TEX9: variants seen among roughly 807,000 people sequenced by gnomAD.
TEX9 encodes testis-expressed protein 9.
Under a neutral mutation model 59.6 loss-of-function variants are expected in TEX9, and 74 were observed. The observed-to-expected ratio is 1.24, with a 90% CI of 1.03 to 1.51. The LOEUF (loss-of-function observed/expected upper bound fraction) is 1.51, where lower values mean the gene tolerates loss of function less well. TEX9 is among the 40% of genes most tolerant of loss of function. The probability of loss-of-function intolerance (pLI) is 0.00; values close to 1 mark genes in which losing one functional copy is unlikely to be tolerated. For missense variants in TEX9, 522 were observed against 447.8 expected (o/e 1.17, Z -1.49); for synonymous variants, 186 against 152.2 (o/e 1.22, Z -1.64).
chr15:56,369,493 C>G (rs893192306), intron 2 of TEX9, among the ~76,000 whole-genome samples: 2 of 151,932 alleles, frequency 1.3e-5, no homozygotes, highest in Non-Finnish European at 2.9e-5. Context: ...ACATGCCTGG[C>G]TAATTTTTGT....
upstream of TEX9, among the ~76,000 whole-genome samples, chr15:56,365,064 G>A (rs2141939924): frequency 6.6e-6 from 1 of 152,300 alleles, no homozygotes; most frequent in South Asian, 2.1e-4. Context: ...TTCCACTGAA[G>A]AGCTCACTTT....
intron 1 of TEX9, among the ~76,000 whole-genome samples, chr15:56,287,238 C>A (rs2044975807): frequency 6.6e-6 from 1 of 152,106 alleles, no homozygotes; most frequent in Admixed American, 6.6e-5. Flanking sequence ...AGAGTAGAAA[C>A]TTCCTACCAT....
chr15:56,444,297 G>A, intron 12 of TEX9: 1 of 625,600 alleles, frequency 1.6e-6, no homozygotes. Flanking sequence ...AGAAGGAGTT[G>A]GTCCCAATTT....
chr15:56,250,799 A>ACCT (rs1322728753), intron 1 of TEX9, among the ~76,000 whole-genome samples: 2 of 152,102 alleles, frequency 1.3e-5, no homozygotes, highest in Non-Finnish European at 2.9e-5. Flanking sequence ...TGCTCTTAAG[A>ACCT]CCTTTCACCT....
chr15:56,326,762 G>T (rs951776403), intron 1 of TEX9, among the ~76,000 whole-genome samples: 3 of 151,778 alleles, frequency 2.0e-5, no homozygotes, highest in Non-Finnish European at 2.9e-5. Flanking sequence ...TCTCAGTAGT[G>T]GGCTACTTCC....
intron 1 of TEX9, among the ~76,000 whole-genome samples, chr15:56,355,554 T>C (rs1464398619): frequency 6.6e-6 from 1 of 152,168 alleles, no homozygotes; most frequent in Non-Finnish European, 1.5e-5. Flanking sequence ...TTCTTCAACA[T>C]TGCTATTCTT....
chr15:56,338,243 A>G (rs1285566886), intron 1 of TEX9, among the ~76,000 whole-genome samples: 1 of 152,210 alleles, frequency 6.6e-6, no homozygotes, highest in African/African-American at 2.4e-5. Flanking sequence ...TTACTGAGAA[A>G]AGCTAATCTA....
intron 1 of TEX9, among the ~76,000 whole-genome samples, chr15:56,337,024 C>G: frequency 6.6e-6 from 1 of 152,164 alleles, no homozygotes; most frequent in East Asian, 1.9e-4. Context: ...ACCGCTTGTA[C>G]AGCTTGTATC....
At chr15:56,273,109 A>G (rs2044586838) in intron 1 of TEX9, among the ~76,000 whole-genome samples, 3 of 151,760 alleles carry the variant, frequency 2.0e-5, no homozygotes, top group Admixed American at 1.3e-4. Context: ...ATGTGCCACC[A>G]CACCCGGCTA....
chr15:56,331,714 C>T (rs2046149145), intron 1 of TEX9, among the ~76,000 whole-genome samples: 1 of 151,922 alleles, frequency 6.6e-6, no homozygotes, highest in Non-Finnish European at 1.5e-5. Context: ...TTTAAATAAA[C>T]ACCCCAGTAA....
intron 3 of TEX9, among the ~76,000 whole-genome samples, chr15:56,382,939 C>T (rs996914711): frequency 2.6e-5 from 4 of 152,140 alleles, no homozygotes; most frequent in Admixed American, 2.6e-4. Flanking sequence ...GGCTCTGAGT[C>T]AAGCCCAGCA....
At chr15:56,346,037 T>C (rs1477881857) in intron 1 of TEX9, among the ~76,000 whole-genome samples, 2 of 152,188 alleles carry the variant, frequency 1.3e-5, no homozygotes, top group Non-Finnish European at 2.9e-5. Flanking sequence ...TACATGGCAG[T>C]GCCAAATACA....
At chr15:56,346,688 C>T (rs1361421271) in intron 1 of TEX9, among the ~76,000 whole-genome samples, 1 of 152,102 alleles carries the variant, frequency 6.6e-6, no homozygotes, top group Non-Finnish European at 1.5e-5. Context: ...CAACCCCACC[C>T]ATTCTATACA....
At chr15:56,424,479 A>G (rs932218036) in intron 10 of TEX9, among the ~76,000 whole-genome samples, 8 of 152,096 alleles carry the variant, frequency 5.3e-5, no homozygotes, top group African/African-American at 1.7e-4. Context: ...AGTTTTGTCC[A>G]TTTACATTTA....
At chr15:56,460,009 A>AAAAAAAAAAAAATAT in the TEX9 span, among the ~76,000 whole-genome samples, 37 of 26,380 alleles carry the variant, frequency 1.4e-3, 7 homozygotes, top group African/African-American at 3.5e-3. Flanking sequence ...AAAAAAAAAA[A>AAAAAAAAAAAAATAT]ATACATATAT....
At chr15:56,365,331 T>C (rs894438484), upstream of TEX9, 5 of 1,352,974 alleles carry the variant, frequency 3.7e-6, no homozygotes, top group Non-Finnish European at 4.9e-6. Context: ...CTCGCGCCGC[T>C]CGCAGCACAG....
chr15:56,263,525 CTT>C (rs2044314367), intron 1 of TEX9, among the ~76,000 whole-genome samples: 1 of 151,676 alleles, frequency 6.6e-6, no homozygotes. Flanking sequence ...ATGTTTCTTT[CTT>C]TATTCGTTGT....
chr15:56,403,047 T>C lies in TEX9; in HGVS notation c.828+8213T>C, dbSNP rs371366980. 3.9e-5 allele frequency among the ~76,000 whole-genome samples: 6 copies of C among 152,320 alleles called. No individual in the cohort carries two copies. The South Asian group carries it at 8.3e-4, about 21-fold the overall frequency. On this transcript the variant is annotated intron_variant, in intron 9 of 12. Coordinates refer to ENST00000352903, the Ensembl canonical transcript of TEX9. ...AATTTCATACTAAATGGGCAAAAAC[T>C]GGAAGCATTCCCTTTGAAAACTGGC... is the stretch of plus-strand genomic sequence containing the variant.
At chr15:56,368,577 C>T (rs2047050220) in intron 2 of TEX9, among the ~76,000 whole-genome samples, 1 of 152,016 alleles carries the variant, frequency 6.6e-6, no homozygotes. Context: ...TTTGTCTATG[C>T]ATTTAGCTTC....
Sources: allele counts gnomAD v4.1 joint callset (sites outside exome capture counted in the v4.1 genomes callset), GRCh38; gene constraint gnomAD v4.1.1; transcripts MANE v1.5; gene names NCBI Gene and HGNC (gene_info 2026-07-23, HGNC 2026-07-21).